DYM: variants seen among roughly 807,000 people sequenced by gnomAD.
The protein encoded by DYM is dyggve-Melchior-Clausen syndrome protein.
Under a neutral mutation model 93.1 loss-of-function variants are expected in DYM, and 78 were observed. The ratio of observed to expected loss-of-function variants is 0.84; its 90% CI spans 0.70 to 1.01. DYM has a LOEUF of 1.01. Ranked by LOEUF, DYM falls within the 50% of genes least tolerant of loss-of-function variation. The pLI is 0.00. For missense variants in DYM, 789 were observed against 845.0 expected, an observed-to-expected ratio of 0.93 and a Z score of 0.82; for synonymous variants, 321 against 319.7, an observed-to-expected ratio of 1.00 and a Z score of -0.04.
intron 13 of DYM, among the ~76,000 whole-genome samples, chr18:49,244,952 G>A (rs2094129115): frequency 6.6e-6 from 1 of 152,220 alleles, no homozygotes; most frequent in African/African-American, 2.4e-5. Context: ...CCGGAACAGA[G>A]GGACTGGCTG....
chr18:49,253,927 T>C (rs1423491504), intron 13 of DYM, among the ~76,000 whole-genome samples: 1 of 152,144 alleles, frequency 6.6e-6, no homozygotes, highest in African/African-American at 2.4e-5. Flanking sequence ...TCCACAGTAA[T>C]AGCCCCAGCT....
At chr18:49,094,814 AG>A (rs1483802586) in intron 17 of DYM, among the ~76,000 whole-genome samples, 1 of 152,210 alleles carries the variant, frequency 6.6e-6, no homozygotes, top group Non-Finnish European at 1.5e-5. Flanking sequence ...CTACAATGCA[AG>A]GGAAAGTTCT....
intron 14 of DYM, among the ~76,000 whole-genome samples, chr18:49,202,910 G>A (rs1017366349): frequency 1.3e-4 from 18 of 137,834 alleles, no homozygotes; most frequent in African/African-American, 4.8e-4. Context: ...GTTGGGGGGG[G>A]TCAGCCCCCC....
At chr18:49,366,937 C>G (rs999939856) in intron 5 of DYM, among the ~76,000 whole-genome samples, 7 of 151,976 alleles carry the variant, frequency 4.6e-5, no homozygotes, top group African/African-American at 1.5e-4. Flanking sequence ...GATTGGAACT[C>G]AAATCTATAC....
chr18:49,090,769 T>C (rs2078978784), intron 17 of DYM, among the ~76,000 whole-genome samples: 1 of 152,136 alleles, frequency 6.6e-6, no homozygotes, highest in Admixed American at 6.5e-5. Context: ...ATACCATAAA[T>C]CAGAATATTT....
chr18:49,116,835 T>C (rs916670675), intron 16 of DYM, among the ~76,000 whole-genome samples: 2 of 152,246 alleles, frequency 1.3e-5, no homozygotes, highest in African/African-American at 4.8e-5. Flanking sequence ...TAACTCGTGA[T>C]AGGTGTTCCT....
At chr18:49,070,176 G>A (rs2076778861) in intron 17 of DYM, among the ~76,000 whole-genome samples, 1 of 152,208 alleles carries the variant, frequency 6.6e-6, no homozygotes, top group South Asian at 2.1e-4. Flanking sequence ...TACAACTCTA[G>A]TTTTTGGCTT....
chr18:49,090,347 A>G (rs1201737434), intron 17 of DYM, among the ~76,000 whole-genome samples: 1 of 152,230 alleles, frequency 6.6e-6, no homozygotes, highest in Non-Finnish European at 1.5e-5. Flanking sequence ...TTTATGCTGA[A>G]TGCTTCCTAG....
chr18:49,272,948 C>G (rs529148571), intron 10 of DYM, among the ~76,000 whole-genome samples: 1 of 152,054 alleles, frequency 6.6e-6, no homozygotes, highest in East Asian at 1.9e-4. Context: ...GATGGGCAGA[C>G]TATCTACATA....
intron 3 of DYM, among the ~76,000 whole-genome samples, chr18:49,381,238 G>A (rs1242747574): frequency 6.6e-6 from 1 of 151,842 alleles, no homozygotes; most frequent in Admixed American, 6.6e-5. Flanking sequence ...AATGTGTCAA[G>A]ATTTGAAAAA....
At chr18:49,398,342 G>A (rs564910570) in intron 2 of DYM, among the ~76,000 whole-genome samples, 1 of 152,236 alleles carries the variant, frequency 6.6e-6, no homozygotes, top group South Asian at 2.1e-4. Context: ...GAGGTGAGCA[G>A]AGGCAGACAG....
intron 15 of DYM, among the ~76,000 whole-genome samples, chr18:49,154,424 C>T (rs560215699): frequency 3.3e-5 from 5 of 151,976 alleles, no homozygotes; most frequent in African/African-American, 9.7e-5. Context: ...GACAGAGTTT[C>T]GCTTTTGTCG....
intron 16 of DYM, among the ~76,000 whole-genome samples, chr18:49,109,826 T>C (rs1018001531): frequency 2.0e-5 from 3 of 152,238 alleles, no homozygotes; most frequent in Non-Finnish European, 4.4e-5. Context: ...GAAAAGATAA[T>C]CTAGAGCAAA....
chr18:49,144,475 T>C (rs903707210), intron 15 of DYM, among the ~76,000 whole-genome samples: 3 of 152,198 alleles, frequency 2.0e-5, no homozygotes, highest in African/African-American at 7.2e-5. Context: ...TCATTTCTTT[T>C]TCAATTATGA....
In DYM at chr18:49,217,618, G is replaced by T. The variant is rs1055200764; in HGVS notation, c.1461-7903C>A. Among the ~76,000 whole-genome samples the T allele has an allele frequency of 2.6e-5, 4 of 152,300 alleles. No individual in the cohort carries two copies. The East Asian group carries it at 5.8e-4, about 22-fold the overall frequency. On this transcript the variant is annotated intron_variant, in intron 13 of 17. Coordinates refer to ENST00000675505, the MANE Select transcript of DYM (RefSeq NM_001353214.3). ...CAATAGTCAACATTCTTAAAGAAAA[G>T]AATTTTCAACCCAGAATTTCATATC... is the stretch of plus-strand genomic sequence containing the variant.
At chr18:49,451,569 C>T (rs2148700943) in intron 1 of DYM, among the ~76,000 whole-genome samples, 1 of 152,310 alleles carries the variant, frequency 6.6e-6, no homozygotes, top group East Asian at 1.9e-4. Context: ...AAGATACAAA[C>T]CCATGCTGGG....
At chr18:49,375,268 T>TATATATAAAC (rs2067399438) in intron 5 of DYM, among the ~76,000 whole-genome samples, 1 of 150,618 alleles carries the variant, frequency 6.6e-6, no homozygotes, top group Admixed American at 6.6e-5. Flanking sequence ...AAAAAATATA[T>TATATATAAAC]ATATATAAAC....
intron 13 of DYM, among the ~76,000 whole-genome samples, chr18:49,211,055 T>A (rs1207125455): frequency 2.6e-5 from 4 of 152,170 alleles, no homozygotes; most frequent in African/African-American, 9.7e-5. Flanking sequence ...GAACACTGAA[T>A]TAGGAGTCAG....
At chr18:49,447,134 T>C (rs1256853736) in intron 1 of DYM, 2 of 151,814 alleles carry the variant, frequency 1.3e-5, no homozygotes, top group East Asian at 3.9e-4. Context: ...GTTCAGAAAC[T>C]TCCAAAGCAG....
Sources: gnomAD v4.1 joint callset for allele counts (sites outside exome capture counted in the v4.1 genomes callset) on GRCh38, gnomAD v4.1.1 for gene constraint, MANE v1.5 for transcripts, NCBI Gene and HGNC (gene_info 2026-07-23, HGNC 2026-07-21) for gene names.